SH3BP5: variants seen among roughly 807,000 people sequenced by gnomAD.
SH3BP5 encodes the protein SH3 domain-binding protein 5.
A neutral mutation model predicts 43.3 loss-of-function variants in SH3BP5; 22 were observed. The ratio of observed to expected loss-of-function variants is 0.51; its 90% CI spans 0.36 to 0.73. The LOEUF is 0.73. Among genes scored for constraint, SH3BP5 ranks in the 30% least tolerant of loss-of-function variants. The pLI, the probability that SH3BP5 is intolerant of heterozygous loss-of-function variation, is 0.00. For synonymous variants in SH3BP5, 255 were observed against 225.8 expected (o/e 1.13, Z -1.16); for missense variants, 529 against 586.9 (o/e 0.90, Z 1.02).
chr3:15,307,071 G>A (rs1697930256), intron 2 of SH3BP5, among the ~76,000 whole-genome samples: 2 of 152,140 alleles, frequency 1.3e-5, no homozygotes, highest in Admixed American at 1.3e-4. Flanking sequence ...CTGTTGGCTT[G>A]CTAGTGGGTT....
At chr3:15,272,542 A>AACAG (rs1035852727) in intron 3 of SH3BP5, among the ~76,000 whole-genome samples, 3 of 118,064 alleles carry the variant, frequency 2.5e-5, no homozygotes, top group African/African-American at 1.3e-4. Context: ...GACATTACAA[A>AACAG]ACAGAGTGCC....
At chr3:15,271,966 C>T (rs1445021924) in intron 3 of SH3BP5, among the ~76,000 whole-genome samples, 1 of 152,126 alleles carries the variant, frequency 6.6e-6, no homozygotes. Flanking sequence ...CGTCCCACCA[C>T]CCTCCCTCGG....
chr3:15,305,194 G>A (rs935141300), intron 2 of SH3BP5, among the ~76,000 whole-genome samples: 3 of 152,020 alleles, frequency 2.0e-5, no homozygotes, highest in Non-Finnish European at 4.4e-5. Flanking sequence ...TGCATAGCAC[G>A]GTATAGATTA....
intron 2 of SH3BP5, among the ~76,000 whole-genome samples, chr3:15,308,832 A>G (rs1697978863): frequency 6.6e-6 from 1 of 152,150 alleles, no homozygotes. Context: ...AAACCTTTTA[A>G]CCTAGTTCTA....
intron 4 of SH3BP5, among the ~76,000 whole-genome samples, chr3:15,266,115 G>A (rs1312243195): frequency 1.3e-5 from 2 of 152,216 alleles, no homozygotes; most frequent in Non-Finnish European, 2.9e-5. Context: ...ATCACAGAGG[G>A]GCGGTCAGGA....
intron 2 of SH3BP5, among the ~76,000 whole-genome samples, chr3:15,320,450 A>G (rs571839420): frequency 6.6e-6 from 1 of 152,260 alleles, no homozygotes; most frequent in Non-Finnish European, 1.5e-5. Context: ...TCTTGGTTAA[A>G]ATGCACTACA....
intron 2 of SH3BP5, among the ~76,000 whole-genome samples, chr3:15,315,374 C>T (rs771762862): frequency 1.1e-4 from 16 of 152,190 alleles, no homozygotes; most frequent in Non-Finnish European, 2.1e-4. Flanking sequence ...TTGGGCATCG[C>T]GCAGCTCCAG....
chr3:15,301,290 G>A (rs1697745091), intron 3 of SH3BP5, among the ~76,000 whole-genome samples: 1 of 152,174 alleles, frequency 6.6e-6, no homozygotes, highest in African/African-American at 2.4e-5. Flanking sequence ...GCAACGGAGA[G>A]GAAATGCTCA....
chr3:15,313,703 C>T lies in SH3BP5; in HGVS notation c.202-9472G>A, dbSNP rs185717337. ...GTGCTGGCTGACGGAACTTCTGTGA[C>T]GATGACATGTGCTACATCTGTGCCA... On this transcript the variant is annotated intron_variant, in intron 2 of 8. Transcript: ENST00000383791. 6.6e-4 allele frequency among the ~76,000 whole-genome samples: 100 copies of T among 152,316 alleles called. 2 individuals carry two copies. In the East Asian group the frequency reaches 0.013, roughly 19 times the overall value.
At chr3:15,332,071 G>C (rs1698625860) in intron 1 of SH3BP5, 200 bp downstream of exon 1, 1 of 830,456 alleles carries the variant, frequency 1.2e-6, no homozygotes, top group South Asian at 1.8e-5. Context: ...ATAGAGTCAG[G>C]CCGCATCCAC....
chr3:15,283,511 C>T (rs1697184998), intron 3 of SH3BP5, among the ~76,000 whole-genome samples: 1 of 152,224 alleles, frequency 6.6e-6, no homozygotes, highest in African/African-American at 2.4e-5. Flanking sequence ...CCTTAAAGCC[C>T]ATATTACCCA....
At chr3:15,259,406 G>A (rs1408403374) in intron 6 of SH3BP5, 3 of 513,336 alleles carry the variant, frequency 5.8e-6, no homozygotes, top group African/African-American at 1.9e-5. Context: ...AAATCCCCTT[G>A]GGTGTTAAGA....
chr3:15,311,787 C>T (rs1698065319), intron 2 of SH3BP5, among the ~76,000 whole-genome samples: 1 of 152,138 alleles, frequency 6.6e-6, no homozygotes, highest in Non-Finnish European at 1.5e-5. Flanking sequence ...AATGCCCCTA[C>T]CTCAGCCTCC....
intron 3 of SH3BP5, among the ~76,000 whole-genome samples, chr3:15,281,621 C>T (rs1414559590): frequency 1.3e-5 from 2 of 152,162 alleles, no homozygotes; most frequent in African/African-American, 4.8e-5. Context: ...CCAGTAACTG[C>T]TCCCCAAGTG....
At chr3:15,325,356 G>A (rs564164226) in intron 2 of SH3BP5, among the ~76,000 whole-genome samples, 1 of 152,128 alleles carries the variant, frequency 6.6e-6, no homozygotes, top group East Asian at 1.9e-4. Context: ...TCCATTACTC[G>A]CCCATGCCTG....
intron 2 of SH3BP5, among the ~76,000 whole-genome samples, chr3:15,311,701 ATC>A (rs764885702): frequency 7.9e-5 from 12 of 152,028 alleles, no homozygotes; most frequent in African/African-American, 1.2e-4. Context: ...TTGAGACAGG[ATC>A]TCTCTCTGTT....
chr3:15,259,752 T>C lies in SH3BP5; in HGVS notation c.669+9A>G, dbSNP rs769511107. On this transcript the variant is annotated intron_variant, in intron 6 of 8. Transcript: ENST00000383791. ...TCTCATCAGTGACGAAGCCCAAAGC[T>C]ACACATACCTCGAGCTGCACATAGT... The C allele has an allele frequency of 2.1e-5, 34 of 1,613,832 alleles. No homozygotes were observed. The highest frequency in any genetic ancestry group is 2.9e-5 in the Non-Finnish European group (34 of 1,179,884).
In SH3BP5 at chr3:15,259,799, A is replaced by T; in HGVS notation, c.631T>A (p.Tyr211Asn). The T allele has an allele frequency of 6.2e-7, 1 of 1,613,996 alleles. No individual in the cohort carries two copies. The highest frequency in any genetic ancestry group is 8.5e-7 in the Non-Finnish European group (1 of 1,179,852). Reference protein sequence around the residue: ...LKRAINKSKPYFELKAKYYVQ... With the variant: ...LKRAINKSKPNFELKAKYYVQ... ...TAGTACTTTGCCTTGAGTTCAAAAT[A>T]AGGCCTGCAGAAGACAGGAAGGAAA... The change falls in exon 6 of 9, where the codon TAT (tyrosine) becomes AAT (asparagine). Residue 211 changes from tyrosine (Y) to asparagine (N), a missense_variant. By Grantham distance (143) the Tyr-to-Asn change is moderately radical (BLOSUM62 -2). Coordinates refer to ENST00000383791, the MANE Select transcript of SH3BP5 (RefSeq NM_004844.5).
In SH3BP5 at chr3:15,259,803, C is replaced by T; in HGVS notation, c.627G>A (p.Lys209=). 6.2e-7 allele frequency: 1 copy of T among 1,613,886 alleles called. No individual in the cohort carries two copies. Among genetic ancestry groups the T allele is most frequent in the Non-Finnish European group, 8.5e-7 (1 of 1,179,812 alleles). Residue 209 remains lysine, a splice_region_variant and synonymous_variant, in exon 6 of 9, where the codon AAG becomes AAA. Coordinates refer to ENST00000383791, the MANE Select transcript of SH3BP5 (RefSeq NM_004844.5). ...ACTTTGCCTTGAGTTCAAAATAAGG[C>T]CTGCAGAAGACAGGAAGGAAAGCCA... ...KKLKRAINKS[K]PYFELKAKYY...
Sources: gnomAD v4.1 joint callset for allele counts (sites outside exome capture counted in the v4.1 genomes callset) on GRCh38, gnomAD v4.1.1 for gene constraint, MANE v1.5 for transcripts, NCBI Gene and HGNC (gene_info 2026-07-23, HGNC 2026-07-21) for gene names.